The following PNPLA5 variants were observed in gnomAD, a reference collection of about 807,000 sequenced individuals.
The protein encoded by PNPLA5 is patatin like domain 5, triacylglycerol lipase.
PNPLA5 carries 44 observed loss-of-function variants against 49.1 expected under a neutral mutation model. That is an observed-to-expected ratio of 0.90 (90% CI 0.70 to 1.15). PNPLA5 has a LOEUF of 1.15. PNPLA5 is among the 50% of genes most tolerant of loss of function. PNPLA5 has a pLI of 0.00. For missense variants in PNPLA5, 603 were observed against 564.0 expected, an observed-to-expected ratio of 1.07 and a Z score of -0.70; for synonymous variants, 243 against 244.4, an observed-to-expected ratio of 0.99 and a Z score of 0.06.
Position 43,880,794 on chromosome 22 carries a change from C to T in PNPLA5, c.*1G>A, listed in dbSNP as rs781098496. The T allele has an allele frequency of 1.5e-6, 2 of 1,334,846 alleles. No individual in the cohort carries two copies. The highest frequency in any genetic ancestry group is 1.9e-6 in the Non-Finnish European group (2 of 1,036,950). The allele number at this position is 1,334,846 out of a possible 1,614,324, so 82.7% of individuals were successfully genotyped here. On this transcript the variant is annotated 3_prime_UTR_variant, in exon 9 of 9. Transcript: ENST00000216177. The stretch of plus-strand genomic sequence containing the variant: ...CACTGGGCTGGCCCTGCTCGGCCCC[C>T]TCAGGCCTGGTGGGTGGGCCCGAGC...
chr22:43,887,846 G>A (rs1367549225), intron 4 of PNPLA5, 195 bp from the exon 5 acceptor site: 3 of 841,780 alleles, frequency 3.6e-6, no homozygotes, highest in East Asian at 2.5e-4. Context: ...CCAGAGGCCT[G>A]CAGGCAGAAC....
rs142457377 is a variant in PNPLA5 at position 43,881,579 on chromosome 22, G to A, written c.1178C>T (p.Ala393Val). The change falls in exon 8 of 9, where the codon GCC becomes GTC. Residue 393 changes from alanine to valine, a missense_variant. Ala to Val is a moderately conservative substitution (Grantham distance 64). Transcript: ENST00000216177. ...TCACCTGATGGGCCCAAGGAGCTGGGCCTTGGTCCTGGAGAAAACCTCGAG... is the reference window on the plus strand; with the variant it reads ...TCACCTGATGGGCCCAAGGAGCTGGACCTTGGTCCTGGAGAAAACCTCGAG... ...MALEVFSRTK[A>V]QLLGPISPPA... 1.2e-6 allele frequency: 2 copies of A among 1,604,096 alleles called. No homozygotes were observed. Among genetic ancestry groups the A allele is most frequent in the Non-Finnish European group, 8.5e-7 (1 of 1,175,564 alleles).
In PNPLA5 at chr22:43,886,419, C is replaced by T. The variant is rs748331362; in HGVS notation, c.833G>A (p.Trp278Ter). 28 of 1,614,050 alleles carry T rather than the reference C, an allele frequency of 1.7e-5. No individual in the cohort carries two copies. In the Admixed American group the frequency reaches 3.3e-4, roughly 19 times the overall value. ...CCAGCGTTGGTCACAGCCAGCATCC[C>T]AGTTTCCGTCAGCCGGGGCTGGGGG... Reference protein sequence around the residue: ...KEPPAPADGNWDAGCDQRWKG... With the variant: ...KEPPAPADGN Residue 278 changes from tryptophan (W) to a stop codon, truncating the protein, a stop_gained, in exon 6 of 9, where the codon TGG becomes TAG. Coordinates refer to ENST00000216177, the MANE Select transcript of PNPLA5 (RefSeq NM_138814.4). LOFTEE classifies it high-confidence loss of function.
chr22:43,885,096 G>A (rs1369967738), intron 6 of PNPLA5, among the ~76,000 whole-genome samples: 2 of 152,260 alleles, frequency 1.3e-5, no homozygotes, highest in African/African-American at 4.8e-5. Flanking sequence ...GATTAGAGAT[G>A]AGATTCACAA....
rs779106772 is a variant in PNPLA5 at position 43,884,197 on chromosome 22, C to G, written c.1082+16G>C. 2 of 1,526,840 alleles carry G rather than the reference C, an allele frequency of 1.3e-6. No homozygotes were observed. Among genetic ancestry groups the G allele is most frequent in the African/African-American group, 1.4e-5 (1 of 71,330 alleles). 94.6% of individuals were successfully genotyped at this position (1,526,840 alleles called of 1,614,324 possible). ...CACAAGCCAGGCCCTTCCCAGGCCC[C>G]CTGGCCGAGCCTTACCTTCTGCTGC... On this transcript the variant is annotated intron_variant, in intron 7 of 8. Transcript: ENST00000216177.
intron 4 of PNPLA5, among the ~76,000 whole-genome samples, chr22:43,888,387 TG>T (rs2049687977): frequency 6.8e-6 from 1 of 146,028 alleles, no homozygotes; most frequent in Non-Finnish European, 1.5e-5. Context: ...TGTGTGTGTG[TG>T]TGTGTGTGTG....
At chr22:43,882,692 A>G (rs1449139099) in intron 7 of PNPLA5, among the ~76,000 whole-genome samples, 4 of 152,074 alleles carry the variant, frequency 2.6e-5, no homozygotes, top group Non-Finnish European at 5.9e-5. Context: ...ATACTTTTGG[A>G]TTTCAACTTG....
At position 43,889,780 on chromosome 22, in the gene PNPLA5, G is replaced by GCA. The variant is rs1480291286; in HGVS notation, c.492+18_492+19insTG. The GCA allele has an allele frequency of 6.2e-7, 1 of 1,610,256 alleles. No individual in the cohort carries two copies. The highest frequency in any genetic ancestry group is 8.5e-7 in the Non-Finnish European group (1 of 1,178,668). On this transcript the variant is annotated intron_variant, in intron 3 of 8. Transcript: ENST00000216177. Reference sequence around the variant, plus strand: ...CCAGGCTGCCCAGAGCACAGAACGGGGTTCCAGAGTGCACTCACCTCCCCT... The same window carrying GCA: ...CCAGGCTGCCCAGAGCACAGAACGGGCAGTTCCAGAGTGCACTCACCTCCCCT...
intron 7 of PNPLA5, among the ~76,000 whole-genome samples, chr22:43,882,305 A>G (rs1011287917): frequency 6.6e-6 from 1 of 152,224 alleles, no homozygotes; most frequent in Non-Finnish European, 1.5e-5. Context: ...GTGTTATCCC[A>G]GCACAGAGGA....
intron 7 of PNPLA5, among the ~76,000 whole-genome samples, chr22:43,883,788 G>C (rs2049633269): frequency 6.6e-6 from 1 of 151,154 alleles, no homozygotes; most frequent in African/African-American, 2.4e-5. Context: ...TCCAGCCTGG[G>C]CAATAGAGTG....
rs1463003942 is a variant in PNPLA5, at chr22:43,891,679, G to A, written c.193+9C>T. The A allele has an allele frequency of 2.6e-6, 4 of 1,543,712 alleles. No individual in the cohort carries two copies. The highest frequency in any genetic ancestry group is 2.1e-5 in the Admixed American group (1 of 48,726). The stretch of plus-strand genomic sequence containing the variant: ...CCGCCCCTTTTCGCCCCCGCGGTCC[G>A]GGACTCACCGACCGACTTGCCGCAG... On this transcript the variant is annotated intron_variant, in intron 1 of 8. Coordinates refer to ENST00000216177, the MANE Select transcript of PNPLA5 (RefSeq NM_138814.4).
At chr22:43,891,355 A>C in intron 1 of PNPLA5, 61 bp from the exon 2 acceptor site, 1 of 1,490,160 alleles carries the variant, frequency 6.7e-7, no homozygotes, top group African/African-American at 1.4e-5. Flanking sequence ...GTCCCTCCAC[A>C]CCCCCACTGC....
intron 8 of PNPLA5, 75 bp downstream of exon 8, chr22:43,881,483 G>C (rs2049609702): frequency 7.0e-7 from 1 of 1,430,796 alleles, no homozygotes; most frequent in Admixed American, 2.3e-5. Context: ...GCCTACCCAG[G>C]GTCCAGGGAA....
At chr22:43,891,606 G>T (rs1405831078) in intron 1 of PNPLA5, 82 bp downstream of exon 1, 4 of 1,441,096 alleles carry the variant, frequency 2.8e-6, no homozygotes, top group Admixed American at 2.8e-5. Flanking sequence ...AGAGCACAGC[G>T]CCAGGCACCA....
intron 5 of PNPLA5, 161 bp from the exon 6 acceptor site, chr22:43,886,649 G>GGCCCTGATCT (rs2049668283): frequency 1.0e-6 from 1 of 976,224 alleles, no homozygotes; most frequent in African/African-American, 1.8e-5. Context: ...GCCTTCCCCT[G>GGCCCTGATCT]GCCCTGCTCT....
In PNPLA5 at chr22:43,889,239, G is replaced by T. The variant is rs181058899; in HGVS notation, c.702+90C>A. 63 of 1,427,712 alleles carry T rather than the reference G, an allele frequency of 4.4e-5. No homozygotes were observed. The Middle Eastern group carries it at 2.0e-3, about 45-fold the overall frequency. The allele number at this position is 1,427,712 out of a possible 1,614,324, so 88.4% of individuals were successfully genotyped here. ...TGTTGTAACTGCCTTCAGGCTCGGG[G>T]GGCAGTGGGGGTTAGGAGCACACAG... On this transcript the variant is annotated intron_variant, in intron 4 of 8. Transcript: ENST00000216177.
At chr22:43,890,524 TTAGACATCC>T (rs535233329) in intron 2 of PNPLA5, among the ~76,000 whole-genome samples, 23 of 152,328 alleles carry the variant, frequency 1.5e-4, no homozygotes, top group Admixed American at 1.0e-3. Context: ...AGCATCTTTT[TTAGACATCC>T]TATTTCATTT....
At position 43,880,793 on chromosome 22, in the gene PNPLA5, C is replaced by G; in HGVS notation, c.*2G>C. On this transcript the variant is annotated 3_prime_UTR_variant, in exon 9 of 9. Coordinates refer to ENST00000216177, the MANE Select transcript of PNPLA5 (RefSeq NM_138814.4). The stretch of plus-strand genomic sequence containing the variant: ...TCACTGGGCTGGCCCTGCTCGGCCC[C>G]CTCAGGCCTGGTGGGTGGGCCCGAG... 1 of 1,334,102 alleles carries G rather than the reference C, an allele frequency of 7.5e-7. No homozygotes were observed. Among genetic ancestry groups the G allele is most frequent in the Non-Finnish European group, 9.6e-7 (1 of 1,036,606 alleles). 82.6% of individuals were successfully genotyped at this position (1,334,102 alleles called of 1,614,324 possible).
rs746234508 is a variant in PNPLA5 at position 43,891,208 on chromosome 22, C to T, written c.280G>A (p.Glu94Lys). ...TCCTGCAGCTGCTGCTTGACGTGCT[C>T]GATGGGCGCGTAGGCCGGGTGCAGG... is the stretch of plus-strand genomic sequence containing the variant. Reference protein sequence around the residue: ...SILHPAYAPIEHVKQQLQDAL... With the variant: ...SILHPAYAPIKHVKQQLQDAL... The change falls in exon 2 of 9, where the codon GAG (glutamate) becomes AAG (lysine). Residue 94 changes from glutamate (E) to lysine (K), a missense_variant. By Grantham distance (56) the Glu-to-Lys change is moderately conservative (BLOSUM62 1). Coordinates refer to ENST00000216177, the MANE Select transcript of PNPLA5 (RefSeq NM_138814.4). The T allele has an allele frequency of 1.9e-6, 3 of 1,581,526 alleles. No homozygotes were observed. Among genetic ancestry groups the T allele is most frequent in the African/African-American group, 1.3e-5 (1 of 74,492 alleles).
Sources: allele counts gnomAD v4.1 joint callset (sites outside exome capture counted in the v4.1 genomes callset), GRCh38; gene constraint gnomAD v4.1.1; transcripts MANE v1.5; gene names NCBI Gene and HGNC (gene_info 2026-07-23, HGNC 2026-07-21).